Variants in SLC39A11 observed in about 807,000 individuals in gnomAD.
The protein encoded by SLC39A11 is solute carrier family 39 member 11, also known as zinc transporter ZIP11.
In SLC39A11, 33 loss-of-function variants were observed where a neutral mutation model predicts 36.1. The ratio of observed to expected loss-of-function variants is 0.91; its 90% CI spans 0.69 to 1.22. The LOEUF (loss-of-function observed/expected upper bound fraction) is 1.22, where lower values mean the gene tolerates loss of function less well. SLC39A11 is among the 50% of genes most tolerant of loss of function. The probability of loss-of-function intolerance (pLI) is 0.00; values close to 1 mark genes in which losing one functional copy is unlikely to be tolerated. For missense variants in SLC39A11, 432 were observed against 430.3 expected, an observed-to-expected ratio of 1.00 and a Z score of -0.03; for synonymous variants, 166 against 170.3, an observed-to-expected ratio of 0.97 and a Z score of 0.20.
chr17:72,919,580 G>A (rs1598414638), intron 5 of SLC39A11, among the ~76,000 whole-genome samples: 1 of 151,248 alleles, frequency 6.6e-6, no homozygotes, highest in Middle Eastern at 3.4e-3. Context: ...GCTGAGGCAG[G>A]AGAATGGCGA....
intron 3 of SLC39A11, among the ~76,000 whole-genome samples, chr17:73,083,328 G>A (rs180996566): frequency 7.2e-5 from 11 of 152,246 alleles, no homozygotes; most frequent in Admixed American, 2.0e-4. Context: ...CCTGTGTATG[G>A]CTCAGAAAGG....
At chr17:72,731,171 T>G (rs1279177288) in intron 7 of SLC39A11, among the ~76,000 whole-genome samples, 1 of 152,242 alleles carries the variant, frequency 6.6e-6, no homozygotes, top group Non-Finnish European at 1.5e-5. Flanking sequence ...AGAGAAAGTT[T>G]GGCAGCTTCT....
At chr17:72,969,727 C>T (rs1568042333) in intron 4 of SLC39A11, among the ~76,000 whole-genome samples, 1 of 152,176 alleles carries the variant, frequency 6.6e-6, no homozygotes, top group African/African-American at 2.4e-5. Context: ...ACACACCCAA[C>T]TCATCTCCCT....
At chr17:72,753,140 G>T (rs1449996354) in intron 6 of SLC39A11, among the ~76,000 whole-genome samples, 1 of 152,218 alleles carries the variant, frequency 6.6e-6, no homozygotes, top group African/African-American at 2.4e-5. Flanking sequence ...TTACAGGCAT[G>T]AGCCACTGCT....
chr17:73,005,024 C>T (rs541021781), intron 4 of SLC39A11, among the ~76,000 whole-genome samples: 1 of 152,344 alleles, frequency 6.6e-6, no homozygotes, highest in East Asian at 1.9e-4. Flanking sequence ...TAAACAGAGT[C>T]TCGCTCCTTC....
intron 7 of SLC39A11, among the ~76,000 whole-genome samples, chr17:72,669,199 T>A (rs556571959): frequency 6.6e-6 from 1 of 152,330 alleles, no homozygotes; most frequent in Non-Finnish European, 1.5e-5. Flanking sequence ...TCAAGACTTC[T>A]CGAAAATGTA....
Position 72,837,820 on chromosome 17 carries a change from A to G in SLC39A11, c.601+11814T>C, listed in dbSNP as rs1598934207. 9.7e-6 allele frequency: 6 copies of G among 616,496 alleles called. No homozygotes were observed. In the East Asian group the frequency reaches 2.2e-4, roughly 22 times the overall value. 38.2% of individuals were successfully genotyped at this position (616,496 alleles called of 1,614,324 possible). ...ATACATATTACATGATACCGTTTAA[A>G]TGAAAGTCAGTCCCGGTTAGGGAAA... On this transcript the variant is annotated intron_variant, in intron 6 of 9. Coordinates refer to ENST00000255559, the MANE Select transcript of SLC39A11 (RefSeq NM_139177.4).
At chr17:73,011,381 T>C (rs2090507307) in intron 4 of SLC39A11, among the ~76,000 whole-genome samples, 1 of 151,990 alleles carries the variant, frequency 6.6e-6, no homozygotes, top group African/African-American at 2.4e-5. Flanking sequence ...AAGCACTCTA[T>C]GAAAACAGAA....
chr17:73,075,572 G>A (rs907585455), intron 3 of SLC39A11, among the ~76,000 whole-genome samples: 1 of 152,230 alleles, frequency 6.6e-6, no homozygotes, highest in African/African-American at 2.4e-5. Context: ...TGGATATGAG[G>A]CCGGGCGCAG....
intron 7 of SLC39A11, among the ~76,000 whole-genome samples, chr17:72,679,779 C>A (rs2071429806): frequency 6.6e-6 from 1 of 152,140 alleles, no homozygotes; most frequent in Non-Finnish European, 1.5e-5. Flanking sequence ...CACGGTGGCT[C>A]ACGCCTGTAA....
chr17:73,067,282 A>G (rs952854023), intron 3 of SLC39A11, among the ~76,000 whole-genome samples: 1 of 152,242 alleles, frequency 6.6e-6, no homozygotes, highest in South Asian at 2.1e-4. Context: ...GTTGTGGCCA[A>G]TGAAATGTAA....
chr17:72,926,743 G>C (rs1044928418), intron 5 of SLC39A11, among the ~76,000 whole-genome samples: 2 of 152,036 alleles, frequency 1.3e-5, no homozygotes, highest in East Asian at 3.9e-4. Context: ...GCTTTATTAC[G>C]TTTTAATTAG....
intron 5 of SLC39A11, among the ~76,000 whole-genome samples, chr17:72,884,013 G>C (rs1158927105): frequency 6.6e-6 from 1 of 152,182 alleles, no homozygotes; most frequent in African/African-American, 2.4e-5. Context: ...AAGTTAGCTA[G>C]GTATAGTGGC....
At chr17:72,944,235 C>A (rs373223087) in intron 5 of SLC39A11, among the ~76,000 whole-genome samples, 6 of 152,306 alleles carry the variant, frequency 3.9e-5, no homozygotes, top group East Asian at 3.9e-4. Flanking sequence ...ACGGTATTGG[C>A]CTCTGTGTGC....
intron 5 of SLC39A11, among the ~76,000 whole-genome samples, chr17:72,893,423 G>A (rs1479102400): frequency 6.6e-6 from 1 of 152,100 alleles, no homozygotes; most frequent in Admixed American, 6.5e-5. Flanking sequence ...TCGTGCCACT[G>A]CACTCCAGCC....
chr17:72,912,891 AT>A (rs1336965836), intron 5 of SLC39A11, among the ~76,000 whole-genome samples: 1 of 152,064 alleles, frequency 6.6e-6, no homozygotes, highest in Admixed American at 6.5e-5. Context: ...CTCTTGCTCC[AT>A]TGGCAATCGG....
At chr17:73,078,269 A>C (rs1055021240) in intron 3 of SLC39A11, among the ~76,000 whole-genome samples, 1 of 151,942 alleles carries the variant, frequency 6.6e-6, no homozygotes, top group East Asian at 1.9e-4. Flanking sequence ...AACTTTGAAA[A>C]ACTAGGTGCC....
At position 72,797,053 on chromosome 17, in the gene SLC39A11, C is replaced by A. The variant is rs114003761; in HGVS notation, c.601+52581G>T. ...AGCTTGAACTTCGTGATTCCTGCAA[C>A]AGTGTTGTAGCTTGAAAGTGCCTGT... is the stretch of plus-strand genomic sequence containing the variant. On this transcript the variant is annotated intron_variant, in intron 6 of 9. Coordinates refer to ENST00000255559, the MANE Select transcript of SLC39A11 (RefSeq NM_139177.4). Among the ~76,000 whole-genome samples the A allele has an allele frequency of 5.2e-3, 785 of 152,238 alleles. 15 individuals carry two copies. Among genetic ancestry groups the A allele is most frequent in the African/African-American group, 0.018 (764 of 41,508 alleles).
chr17:73,044,148 A>C (rs987650278), intron 3 of SLC39A11, among the ~76,000 whole-genome samples: 1 of 151,892 alleles, frequency 6.6e-6, no homozygotes, highest in Non-Finnish European at 1.5e-5. Flanking sequence ...TTTTGCTTAA[A>C]TAAGAAAAAA....
Sources: gnomAD v4.1 joint callset for allele counts (sites outside exome capture counted in the v4.1 genomes callset) on GRCh38, gnomAD v4.1.1 for gene constraint, MANE v1.5 for transcripts, NCBI Gene and HGNC (gene_info 2026-07-23, HGNC 2026-07-21) for gene names.